The following ADGRV1 variants were observed in gnomAD, a reference collection of about 807,000 sequenced individuals.
ADGRV1 encodes adhesion G protein-coupled receptor V1.
A neutral mutation model predicts 596.2 loss-of-function variants in ADGRV1; 359 were observed. That is an observed-to-expected ratio of 0.60 (90% CI 0.55 to 0.66). The LOEUF (loss-of-function observed/expected upper bound fraction) is 0.66. ADGRV1 is among the 30% of genes least tolerant of loss of function. The pLI, the probability that ADGRV1 is intolerant of heterozygous loss-of-function variation, is 0.00. For synonymous variants in ADGRV1, 2,681 were observed against 2,679.2 expected (o/e 1.00, Z -0.02); for missense variants, 7,274 against 7,575.6 (o/e 0.96, Z 1.48).
intron 61 of ADGRV1, 59 bp downstream of exon 61, chr5:90,776,635 A>G (rs1758271222): frequency 6.5e-7 from 1 of 1,535,906 alleles, no homozygotes; most frequent in African/African-American, 1.4e-5. Flanking sequence ...TATTTAAATC[A>G]TTAGTCTTAA....
intron 69 of ADGRV1, among the ~76,000 whole-genome samples, chr5:90,790,387 A>T (rs2150131563): frequency 1.3e-5 from 2 of 152,290 alleles, no homozygotes; most frequent in East Asian, 3.9e-4. Context: ...TCTGTATTGG[A>T]TATTAACTGG....
chr5:91,147,362 A>G (rs1795636522), intron 87 of ADGRV1, among the ~76,000 whole-genome samples: 1 of 152,096 alleles, frequency 6.6e-6, no homozygotes, highest in Admixed American at 6.6e-5. Context: ...AATGCTTTCA[A>G]CCATTGGTAT....
rs1762820279 is a variant in ADGRV1, at chr5:90,815,624, G to A, written c.16084G>A (p.Asp5362Asn). ...AFAMVIITGS[D>N]LHNGIIGFSE... is the part of the protein sequence containing the mutation. The stretch of plus-strand genomic sequence containing the variant: ...CCCTCCATTCTTTTTTTCAGGGAGT[G>A]ACCTTCACAATGGCATCATAGGATT... The change falls in exon 75 of 90, where the codon GAC becomes AAC. Residue 5362 changes from aspartate (D) to asparagine (N), a missense_variant. By Grantham distance (23) the Asp-to-Asn change is conservative. This residue lies in a region of ADGRV1 where 1,874 missense variants were observed against 1,970.2 expected (regional missense o/e 0.95). Transcript: ENST00000405460. The A allele has an allele frequency of 6.5e-7, 1 of 1,538,786 alleles. No homozygotes were observed. The highest frequency in any genetic ancestry group is 8.9e-7 in the Non-Finnish European group (1 of 1,129,438).
In ADGRV1 at chr5:91,038,509, C is replaced by CA. The variant is rs374229781; in HGVS notation, c.18153-33932dup. Among the ~76,000 whole-genome samples the CA allele has an allele frequency of 5.9e-3, 889 of 151,914 alleles. 7 individuals carry two copies. Among genetic ancestry groups the CA allele is most frequent in the African/African-American group, 0.021 (859 of 41,424 alleles). ...GTAGATGAAGAGAAATGAATGGATT[C>CA]AAAAAATATGTTTATAAAGTGTAGT... On this transcript the variant is annotated intron_variant, in intron 85 of 89. Coordinates refer to ENST00000405460, the MANE Select transcript of ADGRV1 (RefSeq NM_032119.4).
At chr5:90,909,411 T>C (rs79162665) in intron 83 of ADGRV1, among the ~76,000 whole-genome samples, 1,852 of 152,234 alleles carry the variant, frequency 0.012, 33 homozygotes, top group African/African-American at 0.042. Flanking sequence ...GTTGTAACGT[T>C]TGCCTGGCTG....
At position 90,683,937 on chromosome 5, in the gene ADGRV1, G is replaced by A. The variant is rs1283764136; in HGVS notation, c.6016G>A (p.Gly2006Ser). 3.7e-6 allele frequency: 6 copies of A among 1,613,632 alleles called. No individual in the cohort carries two copies. Among genetic ancestry groups the A allele is most frequent in the South Asian group, 3.3e-5 (3 of 91,056 alleles). ...NITLSIIRLK[G>S]LMGKVLVSYA... Reference sequence around the variant, plus strand: ...CACACTATCAATAATAAGGTTGAAAGGCCTCATGGGAAAAGTCCTTGTCTC... The same window carrying A: ...CACACTATCAATAATAAGGTTGAAAAGCCTCATGGGAAAAGTCCTTGTCTC... The change falls in exon 28 of 90, where the codon GGC becomes AGC. Residue 2006 changes from glycine to serine, a missense_variant. Gly to Ser is a moderately conservative substitution (Grantham distance 56, BLOSUM62 0). This residue lies in a region of ADGRV1 where 3,643 missense variants were observed against 3,809.2 expected (regional missense o/e 0.96). Transcript: ENST00000405460.
intron 86 of ADGRV1, among the ~76,000 whole-genome samples, chr5:91,084,900 T>TA (rs1789724672): frequency 1.3e-5 from 2 of 151,980 alleles, no homozygotes; most frequent in Admixed American, 6.5e-5. Flanking sequence ...TATGCAGACA[T>TA]AAAAAAGGAT....
At chr5:90,614,758 A>G (rs1763145441) in intron 1 of ADGRV1, 77 bp from the exon 2 acceptor site, 3 of 1,060,578 alleles carry the variant, frequency 2.8e-6, no homozygotes, top group East Asian at 2.6e-5. Flanking sequence ...TACTATGTTT[A>G]TATCTATAGA....
chr5:91,140,217 C>T (rs1794980708), intron 87 of ADGRV1, among the ~76,000 whole-genome samples: 1 of 152,130 alleles, frequency 6.6e-6, no homozygotes, highest in Non-Finnish European at 1.5e-5. Context: ...AATTTAGCTT[C>T]TACAGCAAAG....
Position 90,757,039 on chromosome 5 carries a change from C to T in ADGRV1, c.11818C>T (p.Pro3940Ser), listed in dbSNP as rs1755905052. The change falls in exon 57 of 90, where the codon CCT becomes TCT. Residue 3940 changes from proline to serine, a missense_variant. Around this residue, in one of 5 missense-constraint regions of ADGRV1, gnomAD observed 3,643 missense variants for 3,809.2 expected, o/e 0.96. Coordinates refer to ENST00000405460, the MANE Select transcript of ADGRV1 (RefSeq NM_032119.4). ...TCCACCCTTGAACGTTCTTCAAGTT[C>T]CTGTAGTCCGGCTGGCTGGAAGCTT... ...VPPPLNVLQV[P>S]VVRLAGSFGA... 6.2e-7 allele frequency: 1 copy of T among 1,613,832 alleles called. No individual in the cohort carries two copies. Among genetic ancestry groups the T allele is most frequent in the Non-Finnish European group, 8.5e-7 (1 of 1,179,788 alleles).
intron 56 of ADGRV1, 26 bp downstream of exon 56, chr5:90,756,656 AG>A: frequency 1.3e-6 from 2 of 1,577,824 alleles, no homozygotes; most frequent in Non-Finnish European, 1.7e-6. Flanking sequence ...ATTTGTTTAC[AG>A]TCATACAGAG....
chr5:90,720,095 G>A lies in ADGRV1; in HGVS notation c.9495G>A (p.Glu3165=). The part of the protein sequence containing the change: ...AILDTEPEMD[E]YFVCTLFNPT... ...TAGACACGGAACCAGAAATGGATGAGTATTTTGTTTGCACCTTGTTTAATC... is the reference window on the plus strand; with the variant it reads ...TAGACACGGAACCAGAAATGGATGAATATTTTGTTTGCACCTTGTTTAATC... The change falls in exon 44 of 90, where the codon GAG becomes GAA. Residue 3165 remains glutamate (E), a synonymous_variant. Coordinates refer to ENST00000405460, the MANE Select transcript of ADGRV1 (RefSeq NM_032119.4). 2 of 1,613,766 alleles carry A rather than the reference G, an allele frequency of 1.2e-6. No homozygotes were observed. Among genetic ancestry groups the A allele is most frequent in the Non-Finnish European group, 1.7e-6 (2 of 1,179,712 alleles).
intron 74 of ADGRV1, among the ~76,000 whole-genome samples, chr5:90,813,167 T>TAAAAAAA (rs1561786626): frequency 1.9e-5 from 2 of 104,334 alleles, no homozygotes; most frequent in East Asian, 3.1e-4. Context: ...AAAAAAAATT[T>TAAAAAAA]ATTTGGCAGT....
chr5:91,037,991 A>G (rs1785044338), intron 85 of ADGRV1, among the ~76,000 whole-genome samples: 1 of 152,222 alleles, frequency 6.6e-6, no homozygotes, highest in South Asian at 2.1e-4. Context: ...TATACATGAA[A>G]CATAAATGAA....
chr5:90,573,170 A>G (rs934926538), intron 1 of ADGRV1, among the ~76,000 whole-genome samples: 3 of 152,164 alleles, frequency 2.0e-5, no homozygotes, highest in Admixed American at 6.5e-5. Flanking sequence ...GAAAGGAAGT[A>G]TGGTATTGGT....
At chr5:91,035,861 T>TATAATATATATAATATA in intron 85 of ADGRV1, among the ~76,000 whole-genome samples, 13 of 96,374 alleles carry the variant, frequency 1.3e-4, no homozygotes, top group South Asian at 7.0e-4. Context: ...TATATATATA[T>TATAATATATATAATATA]TATATATATA....
chr5:90,612,266 T>A (rs1762809208), intron 1 of ADGRV1, among the ~76,000 whole-genome samples: 1 of 152,104 alleles, frequency 6.6e-6, no homozygotes, highest in African/African-American at 2.4e-5. Context: ...TTTAAATAAA[T>A]GTAATGTTTA....
At chr5:90,645,286 G>A (rs1184601302) in intron 15 of ADGRV1, among the ~76,000 whole-genome samples, 1 of 152,198 alleles carries the variant, frequency 6.6e-6, no homozygotes, top group African/African-American at 2.4e-5. Context: ...AATAACAACA[G>A]GAAGTGAACC....
intron 88 of ADGRV1, among the ~76,000 whole-genome samples, chr5:91,151,594 G>T (rs1028865141): frequency 6.6e-6 from 1 of 152,152 alleles, no homozygotes; most frequent in African/African-American, 2.4e-5. Context: ...CAAGAATTCA[G>T]AAATGAATCT....
Sources: allele counts gnomAD v4.1 joint callset (sites outside exome capture counted in the v4.1 genomes callset), GRCh38; gene constraint gnomAD v4.1.1; regional missense constraint gnomAD v4.1.1; transcripts MANE v1.5; gene names NCBI Gene and HGNC (gene_info 2026-07-23, HGNC 2026-07-21).